CSMD1: variants seen among roughly 807,000 people sequenced by gnomAD.
CSMD1 encodes the protein CUB and Sushi multiple domains 1, also known as CUB and sushi domain-containing protein 1.
Under a neutral mutation model 417.5 loss-of-function variants are expected in CSMD1, and 213 were observed. That is an observed-to-expected ratio of 0.51 (90% CI 0.46 to 0.57). The LOEUF (loss-of-function observed/expected upper bound fraction) is 0.57. Ranked by LOEUF, CSMD1 falls within the 20% of genes least tolerant of loss-of-function variation. The pLI is 0.00. For synonymous variants in CSMD1, 2,862 were observed against 1,736.8 expected, an observed-to-expected ratio of 1.65 and a Z score of -16.11; for missense variants, 6,923 against 4,529.7, an observed-to-expected ratio of 1.53 and a Z score of -15.17.
intron 3 of CSMD1, among the ~76,000 whole-genome samples, chr8:4,099,657 G>A (rs1215221894): frequency 1.3e-5 from 2 of 150,456 alleles, no homozygotes. Flanking sequence ...ATAAACCAAT[G>A]CAGTCTGCTT....
At chr8:4,671,644 G>A (rs1805334953) in intron 1 of CSMD1, among the ~76,000 whole-genome samples, 2 of 152,076 alleles carry the variant, frequency 1.3e-5, no homozygotes, top group African/African-American at 4.8e-5. Flanking sequence ...CAACTAAAAC[G>A]TTTTAAAATG....
intron 1 of CSMD1, among the ~76,000 whole-genome samples, chr8:4,961,492 T>C (rs1054287840): frequency 3.3e-5 from 5 of 152,174 alleles, no homozygotes; most frequent in African/African-American, 1.2e-4. Flanking sequence ...TGACATTTTA[T>C]TCAGCACCAA....
chr8:4,829,550 T>G (rs115543912), intron 1 of CSMD1, among the ~76,000 whole-genome samples: 1,590 of 152,172 alleles, frequency 0.01, 23 homozygotes, highest in African/African-American at 0.037. Flanking sequence ...AAGAGCAGTC[T>G]GGGCAACATG....
At chr8:4,251,310 G>T (rs1281952694) in intron 3 of CSMD1, among the ~76,000 whole-genome samples, 2 of 152,088 alleles carry the variant, frequency 1.3e-5, no homozygotes, top group East Asian at 1.9e-4. Context: ...TTACAAGAAT[G>T]TCATAGTATT....
chr8:4,385,225 G>A (rs1056002336), intron 3 of CSMD1, among the ~76,000 whole-genome samples: 13 of 152,148 alleles, frequency 8.5e-5, no homozygotes, highest in African/African-American at 2.9e-4. Context: ...ACTGCACCCG[G>A]CCACATTAAA....
At chr8:4,259,386 G>A (rs918000104) in intron 3 of CSMD1, among the ~76,000 whole-genome samples, 73 of 152,114 alleles carry the variant, frequency 4.8e-4, no homozygotes, top group Non-Finnish European at 1.5e-5. Context: ...GAGGACAGGA[G>A]GAGCTCCCAA....
intron 15 of CSMD1, among the ~76,000 whole-genome samples, chr8:3,400,676 TA>T (rs1811983967): frequency 6.6e-6 from 1 of 151,942 alleles, no homozygotes; most frequent in African/African-American, 2.4e-5. Flanking sequence ...GAAAAGTGGA[TA>T]AAAAATTGTC....
intron 1 of CSMD1, among the ~76,000 whole-genome samples, chr8:4,709,561 C>T (rs1361005777): frequency 6.6e-6 from 1 of 152,218 alleles, no homozygotes; most frequent in African/African-American, 2.4e-5. Flanking sequence ...TCTGTCGTTG[C>T]TCACCGTGGA....
chr8:4,929,780 G>A (rs1317366760), intron 1 of CSMD1, among the ~76,000 whole-genome samples: 1 of 152,114 alleles, frequency 6.6e-6, no homozygotes, highest in African/African-American at 2.4e-5. Flanking sequence ...AGGAGATGAT[G>A]GTGGGAGAGA....
intron 10 of CSMD1, among the ~76,000 whole-genome samples, chr8:3,561,181 T>C (rs1799452430): frequency 6.6e-6 from 1 of 152,166 alleles, no homozygotes; most frequent in Non-Finnish European, 1.5e-5. Flanking sequence ...CAAATACTAT[T>C]GGTAGCAATG....
intron 2 of CSMD1, among the ~76,000 whole-genome samples, chr8:4,575,555 C>G (rs1340311707): frequency 3.3e-5 from 5 of 152,172 alleles, no homozygotes; most frequent in Non-Finnish European, 7.4e-5. Flanking sequence ...GGCCATCAAA[C>G]TCACTTTGAG....
At chr8:3,503,016 T>C (rs1177079102) in intron 10 of CSMD1, among the ~76,000 whole-genome samples, 3 of 152,116 alleles carry the variant, frequency 2.0e-5, no homozygotes, top group Non-Finnish European at 4.4e-5. Context: ...GGAAACTATG[T>C]CTTCTGATCA....
At chr8:4,660,905 C>T (rs12680893) in intron 1 of CSMD1, among the ~76,000 whole-genome samples, 1 of 152,090 alleles carries the variant, frequency 6.6e-6, no homozygotes, top group African/African-American at 2.4e-5. Context: ...CAAATTACAA[C>T]TACAATGAGA....
intron 5 of CSMD1, among the ~76,000 whole-genome samples, chr8:3,765,967 G>C (rs777993868): frequency 6.6e-6 from 1 of 152,234 alleles, no homozygotes; most frequent in African/African-American, 2.4e-5. Flanking sequence ...TCAGGCATCA[G>C]GAATTAACCC....
intron 1 of CSMD1, among the ~76,000 whole-genome samples, chr8:4,724,686 A>G (rs1274414915): frequency 6.6e-6 from 1 of 152,108 alleles, no homozygotes; most frequent in Non-Finnish European, 1.5e-5. Context: ...ATTTTAAATT[A>G]TTGAACACCA....
chr8:3,173,150 C>A (rs1277577915), intron 37 of CSMD1, among the ~76,000 whole-genome samples: 1 of 152,154 alleles, frequency 6.6e-6, no homozygotes, highest in Non-Finnish European at 1.5e-5. Flanking sequence ...TTATTTGGCA[C>A]CTGTCCCTTA....
At chr8:3,887,036 C>G (rs1806613298) in intron 5 of CSMD1, among the ~76,000 whole-genome samples, 2 of 152,154 alleles carry the variant, frequency 1.3e-5, no homozygotes, top group South Asian at 4.1e-4. Flanking sequence ...CTTTCAAACT[C>G]TGCCTCACAC....
intron 30 of CSMD1, among the ~76,000 whole-genome samples, 167 bp downstream of exon 30, chr8:3,214,330 C>G (rs1482929385): frequency 6.6e-6 from 1 of 152,156 alleles, no homozygotes; most frequent in Non-Finnish European, 1.5e-5. Context: ...ACACTAGCTG[C>G]ATTAAATGAT....
chr8:4,006,370 C>T (rs890328544), intron 4 of CSMD1, among the ~76,000 whole-genome samples: 2 of 152,120 alleles, frequency 1.3e-5, no homozygotes, highest in East Asian at 1.9e-4. Flanking sequence ...ATGGTGAAAC[C>T]CTGTCTCTAC....
Sources: allele counts gnomAD v4.1 joint callset (sites outside exome capture counted in the v4.1 genomes callset), GRCh38; gene constraint gnomAD v4.1.1; transcripts MANE v1.5; gene names NCBI Gene and HGNC (gene_info 2026-07-23, HGNC 2026-07-21).